IMMP1L: variants seen among roughly 807,000 people sequenced by gnomAD.
The protein encoded by IMMP1L is inner mitochondrial membrane peptidase subunit 1, also known as mitochondrial inner membrane protease subunit 1.
Under a neutral mutation model 21.8 loss-of-function variants are expected in IMMP1L, and 24 were observed. That is an observed-to-expected ratio of 1.10 (90% CI 0.80 to 1.55). The LOEUF is 1.55. Among genes scored for constraint, IMMP1L ranks in the 40% most tolerant of loss-of-function variants. The probability of loss-of-function intolerance (pLI) is 0.00; values close to 1 mark genes in which losing one functional copy is unlikely to be tolerated. For missense variants in IMMP1L, 195 were observed against 200.7 expected (o/e 0.97, Z 0.17); for synonymous variants, 46 against 62.8 (o/e 0.73, Z 1.26).
chr11:31,460,531 G>C, intron 3 of IMMP1L, 95 bp downstream of exon 3: 1 of 669,084 alleles, frequency 1.5e-6, no homozygotes, highest in Admixed American at 2.7e-5. Flanking sequence ...ATTTATGAAA[G>C]AGGTTTTAAA....
At chr11:31,444,425 T>C (rs1953445279) in intron 4 of IMMP1L, among the ~76,000 whole-genome samples, 3 of 152,316 alleles carry the variant, frequency 2.0e-5, no homozygotes, top group Admixed American at 6.5e-5. Flanking sequence ...TATTCAATTA[T>C]ATAGCTCTGG....
chr11:31,473,826 A>AAT (rs1038258573), intron 1 of IMMP1L: 9 of 703,614 alleles, frequency 1.3e-5, no homozygotes, highest in South Asian at 6.4e-5. Context: ...AAACAGGAAA[A>AAT]ATATATATAT....
intron 4 of IMMP1L, among the ~76,000 whole-genome samples, chr11:31,448,488 G>A (rs566446696): frequency 2.6e-4 from 39 of 152,078 alleles, no homozygotes; most frequent in Non-Finnish European, 4.6e-4. Context: ...CAACTTTAAA[G>A]TACAGAAGTC....
At chr11:31,463,503 A>G (rs1954223273) in intron 1 of IMMP1L, among the ~76,000 whole-genome samples, 198 bp from the exon 2 acceptor site, 3 of 152,204 alleles carry the variant, frequency 2.0e-5, no homozygotes, top group African/African-American at 7.2e-5. Flanking sequence ...TTGATTTACC[A>G]AAGTTTATAT....
chr11:31,443,859 T>C (rs1395449600), intron 4 of IMMP1L, among the ~76,000 whole-genome samples: 1 of 152,202 alleles, frequency 6.6e-6, no homozygotes, highest in Non-Finnish European at 1.5e-5. Flanking sequence ...GCTACACCTA[T>C]AGCATTGGGG....
chr11:31,492,842 T>G lies in IMMP1L; in HGVS notation c.-30+16677A>C, dbSNP rs112421917. Among the ~76,000 whole-genome samples the G allele has an allele frequency of 6.6e-4, 100 of 152,274 alleles. 1 individual carries two copies. Among genetic ancestry groups the G allele is most frequent in the Middle Eastern group, 3.4e-3 (1 of 294 alleles). The stretch of plus-strand genomic sequence containing the variant: ...ATTCTTACATGGGCACGGTTTCTGG[T>G]GCCTCAAAACAATTACAATAGCAAC... On this transcript the variant is annotated intron_variant, in intron 1 of 5. Coordinates refer to ENST00000532287, the MANE Select transcript of IMMP1L (RefSeq NM_001304274.2).
chr11:31,482,674 A>T (rs943221589), intron 1 of IMMP1L, among the ~76,000 whole-genome samples: 2 of 152,058 alleles, frequency 1.3e-5, no homozygotes, highest in African/African-American at 2.4e-5. Flanking sequence ...CAGAATTGGA[A>T]AAATGAAAAA....
intron 1 of IMMP1L, among the ~76,000 whole-genome samples, chr11:31,492,425 A>G (rs758009871): frequency 6.6e-6 from 1 of 152,222 alleles, no homozygotes; most frequent in African/African-American, 2.4e-5. Context: ...TATCCAGACA[A>G]CTAAAACTTT....
At chr11:31,497,460 C>CTTTTT (rs796666845) in intron 1 of IMMP1L, among the ~76,000 whole-genome samples, 127 of 123,876 alleles carry the variant, frequency 1.0e-3, no homozygotes, top group Non-Finnish European at 1.7e-3. Context: ...TATTTCTTTT[C>CTTTTT]TTTTTTTTTT....
At chr11:31,478,199 C>G (rs1425183535) in intron 1 of IMMP1L, among the ~76,000 whole-genome samples, 1 of 152,162 alleles carries the variant, frequency 6.6e-6, no homozygotes, top group African/African-American at 2.4e-5. Flanking sequence ...GTATAGACAG[C>G]CTGTGCTCTG....
At chr11:31,454,993 C>T (rs1040793328) in intron 4 of IMMP1L, among the ~76,000 whole-genome samples, 1 of 151,976 alleles carries the variant, frequency 6.6e-6, no homozygotes, top group African/African-American at 2.4e-5. Context: ...ATACAGTGTC[C>T]GTAGAAAAAT....
At chr11:31,445,644 G>T (rs1161303685) in intron 4 of IMMP1L, among the ~76,000 whole-genome samples, 2 of 151,958 alleles carry the variant, frequency 1.3e-5, no homozygotes, top group African/African-American at 4.8e-5. Context: ...CAACTCTAAT[G>T]TATCAAACCC....
chr11:31,499,661 GTGAAAACTACA>G (rs1955555681), intron 1 of IMMP1L, among the ~76,000 whole-genome samples: 2 of 152,108 alleles, frequency 1.3e-5, no homozygotes, highest in Admixed American at 1.3e-4. Flanking sequence ...TTTATAACAT[GTGAAAACTACA>G]TGAAATTCAA....
At chr11:31,483,544 A>G (rs1242483380) in intron 1 of IMMP1L, among the ~76,000 whole-genome samples, 1 of 151,946 alleles carries the variant, frequency 6.6e-6, no homozygotes, top group African/African-American at 2.4e-5. Context: ...CTTGATCCCA[A>G]TCATGTATTC....
chr11:31,474,530 GT>G (rs938476836), intron 1 of IMMP1L, among the ~76,000 whole-genome samples: 1 of 152,062 alleles, frequency 6.6e-6, no homozygotes, highest in African/African-American at 2.4e-5. Flanking sequence ...ATTAAAATCT[GT>G]TTATTTTGAA....
chr11:31,494,545 G>C (rs1041510695), intron 1 of IMMP1L, among the ~76,000 whole-genome samples: 3 of 152,128 alleles, frequency 2.0e-5, no homozygotes, highest in Non-Finnish European at 4.4e-5. Context: ...ATTAACACTG[G>C]GCTCCTTGTT....
intron 4 of IMMP1L, among the ~76,000 whole-genome samples, chr11:31,443,452 T>G (rs1953407401): frequency 6.6e-6 from 1 of 152,210 alleles, no homozygotes; most frequent in Admixed American, 6.5e-5. Context: ...GTCTGAAATG[T>G]CAGTTCTGGG....
At chr11:31,482,621 A>G (rs1162361723) in intron 1 of IMMP1L, among the ~76,000 whole-genome samples, 1 of 152,018 alleles carries the variant, frequency 6.6e-6, no homozygotes, top group Non-Finnish European at 1.5e-5. Context: ...TTAATTGGGG[A>G]AATATAAAGT....
chr11:31,492,786 T>C (rs567403139), intron 1 of IMMP1L, among the ~76,000 whole-genome samples: 3 of 152,316 alleles, frequency 2.0e-5, no homozygotes, highest in Admixed American at 2.0e-4. Flanking sequence ...ATAGAACAGT[T>C]AGCACACATA....
Sources: gnomAD v4.1 joint callset for allele counts (sites outside exome capture counted in the v4.1 genomes callset) on GRCh38, gnomAD v4.1.1 for gene constraint, MANE v1.5 for transcripts, NCBI Gene and HGNC (gene_info 2026-07-23, HGNC 2026-07-21) for gene names.